ABCC4: variants seen among roughly 807,000 people sequenced by gnomAD.
ABCC4 encodes ATP binding cassette subfamily C member 4 (PEL blood group), also known as ATP-binding cassette sub-family C member 4.
ABCC4 carries 102 observed loss-of-function variants against 168.5 expected under a neutral mutation model. The observed-to-expected ratio is 0.61, with a 90% CI of 0.52 to 0.71. The LOEUF is 0.71. Among genes scored for constraint, ABCC4 ranks in the 30% least tolerant of loss-of-function variants. The pLI is 0.00. For synonymous variants in ABCC4, 617 were observed against 590.7 expected, an observed-to-expected ratio of 1.04 and a Z score of -0.65; for missense variants, 1,402 against 1,605.8, an observed-to-expected ratio of 0.87 and a Z score of 2.17.
intron 6 of ABCC4, 103 bp from the exon 7 acceptor site, chr13:95,208,028 C>T: frequency 7.5e-7 from 1 of 1,339,720 alleles, no homozygotes; most frequent in Non-Finnish European, 1.0e-6. Flanking sequence ...CCCTACAGCG[C>T]TTTTGCTTCC....
intron 3 of ABCC4, among the ~76,000 whole-genome samples, chr13:95,244,670 A>AAAGAAATAAATCAATCAATC (rs72377318): frequency 9.4e-6 from 1 of 106,358 alleles, no homozygotes; most frequent in East Asian, 2.5e-4. Context: ...AGAAAGAAAG[A>AAAGAAATAAATCAATCAATC]AATCATAGCA....
chr13:95,188,622 A>G (rs936461352), intron 9 of ABCC4, 80 bp from the exon 10 acceptor site: 3 of 1,136,154 alleles, frequency 2.6e-6, no homozygotes, highest in African/African-American at 3.1e-5. Context: ...AAACAATACA[A>G]CAGTCATTGA....
At chr13:95,134,550 A>C (rs1349739608) in intron 19 of ABCC4, among the ~76,000 whole-genome samples, 1 of 152,060 alleles carries the variant, frequency 6.6e-6, no homozygotes, top group Non-Finnish European at 1.5e-5. Flanking sequence ...GCAAAACTCT[A>C]TCTCTACAAA....
At chr13:95,098,825 G>T (rs1488410778) in intron 20 of ABCC4, among the ~76,000 whole-genome samples, 2 of 152,102 alleles carry the variant, frequency 1.3e-5, no homozygotes, top group African/African-American at 4.8e-5. Flanking sequence ...AATGCAAATG[G>T]ATCATCTATA....
chr13:95,163,111 T>C lies in ABCC4; in HGVS notation c.2308+11A>G, dbSNP rs1429625961. On this transcript the variant is annotated intron_variant, in intron 18 of 30. Coordinates refer to ENST00000645237, the MANE Select transcript of ABCC4 (RefSeq NM_005845.5). ...GCCTCTCATACAATACACCAAATGATTAAACTTTACCTGAATAAATTCCTA... is the reference window on the plus strand; with the variant it reads ...GCCTCTCATACAATACACCAAATGACTAAACTTTACCTGAATAAATTCCTA... 6.3e-7 allele frequency: 1 copy of C among 1,592,550 alleles called. No homozygotes were observed. The highest frequency in any genetic ancestry group is 1.1e-5 in the South Asian group (1 of 90,348).
intron 3 of ABCC4, among the ~76,000 whole-genome samples, chr13:95,236,933 G>A (rs1473450336): frequency 6.6e-6 from 1 of 152,160 alleles, no homozygotes; most frequent in Non-Finnish European, 1.5e-5. Flanking sequence ...CCCTGGCTCA[G>A]GAGTGCCAAG....
At chr13:95,165,767 C>T (rs1473336796) in intron 15 of ABCC4, among the ~76,000 whole-genome samples, 3 of 152,130 alleles carry the variant, frequency 2.0e-5, no homozygotes, top group South Asian at 4.1e-4. Flanking sequence ...TTTCATGTGG[C>T]CCACAGCAGG....
intron 20 of ABCC4, among the ~76,000 whole-genome samples, chr13:95,094,754 T>A (rs1303171111): frequency 6.6e-6 from 1 of 151,968 alleles, no homozygotes; most frequent in Non-Finnish European, 1.5e-5. Flanking sequence ...TGGGAGTAAA[T>A]CTTCACAATC....
At chr13:95,196,211 AG>A (rs113314443) in intron 8 of ABCC4, among the ~76,000 whole-genome samples, 56,309 of 151,856 alleles carry the variant, frequency 0.37, 11,853 homozygotes, top group Non-Finnish European at 0.49. Flanking sequence ...AAAATTTTGT[AG>A]ATGTGGCAAA....
At chr13:95,272,774 G>A (rs973991281) in intron 1 of ABCC4, among the ~76,000 whole-genome samples, 4 of 131,062 alleles carry the variant, frequency 3.1e-5, no homozygotes, top group Non-Finnish European at 4.7e-5. Context: ...TGTAATCCCC[G>A]CTACTCGAGA....
chr13:95,031,584 G>T (rs562140049), intron 30 of ABCC4, among the ~76,000 whole-genome samples: 1 of 152,118 alleles, frequency 6.6e-6, no homozygotes, highest in Non-Finnish European at 1.5e-5. Context: ...AAATTATAAA[G>T]AACTATACGA....
intron 1 of ABCC4, among the ~76,000 whole-genome samples, chr13:95,283,851 T>G (rs2041192018): frequency 7.2e-6 from 1 of 138,184 alleles, no homozygotes; most frequent in Non-Finnish European, 1.5e-5. Flanking sequence ...TGAGCCGAGA[T>G]CTCGTCATTG....
chr13:95,112,763 T>A (rs997897828), intron 20 of ABCC4, among the ~76,000 whole-genome samples: 4 of 152,146 alleles, frequency 2.6e-5, no homozygotes, highest in African/African-American at 9.7e-5. Flanking sequence ...TCTCTGGGCT[T>A]AGGAGGAACT....
chr13:95,259,036 G>GGT (rs1319941553), intron 1 of ABCC4, among the ~76,000 whole-genome samples: 1 of 152,038 alleles, frequency 6.6e-6, no homozygotes, highest in Non-Finnish European at 1.5e-5. Flanking sequence ...GCAGGAGCTG[G>GGT]GTGCAGGGAG....
chr13:95,262,110 C>A (rs1228412660), intron 1 of ABCC4, among the ~76,000 whole-genome samples: 1 of 152,142 alleles, frequency 6.6e-6, no homozygotes, highest in East Asian at 1.9e-4. Context: ...GCCTGGGGGG[C>A]AGCTCTCAGC....
intron 25 of ABCC4, among the ~76,000 whole-genome samples, chr13:95,064,730 C>T (rs2139293315): frequency 6.6e-6 from 1 of 152,128 alleles, no homozygotes; most frequent in South Asian, 2.1e-4. Flanking sequence ...TGAGGGCTGC[C>T]TACAACCATA....
At chr13:95,051,603 G>A (rs1233011472) in intron 27 of ABCC4, among the ~76,000 whole-genome samples, 1 of 151,700 alleles carries the variant, frequency 6.6e-6, no homozygotes, top group Non-Finnish European at 1.5e-5. Flanking sequence ...ACACTTCTTT[G>A]AAATGAAGAG....
chr13:95,289,927 T>C (rs1222671002), intron 1 of ABCC4, among the ~76,000 whole-genome samples: 1 of 151,922 alleles, frequency 6.6e-6, no homozygotes, highest in Non-Finnish European at 1.5e-5. Flanking sequence ...AGAAACCCCA[T>C]CTCTACTAAA....
rs75821129 is a variant in ABCC4, at chr13:95,136,847, G to A, written c.2456-20846C>T. On this transcript the variant is annotated intron_variant, in intron 19 of 30. Coordinates refer to ENST00000645237, the MANE Select transcript of ABCC4 (RefSeq NM_005845.5). The stretch of plus-strand genomic sequence containing the variant: ...TGCCGAACGCCCAGCCTGCCCAGGC[G>A]CACACGGCTCGCCACTGCCAGCATG... Among the ~76,000 whole-genome samples, 146 of 152,316 alleles carry A rather than the reference G, an allele frequency of 9.6e-4. 1 individual carries two copies. In the East Asian group the frequency reaches 0.021, roughly 22 times the overall value.
Sources: gnomAD v4.1 joint callset for allele counts (sites outside exome capture counted in the v4.1 genomes callset) on GRCh38, gnomAD v4.1.1 for gene constraint, MANE v1.5 for transcripts, NCBI Gene and HGNC (gene_info 2026-07-23, HGNC 2026-07-21) for gene names.